Variants in RNF125 observed in about 807,000 individuals in gnomAD.
The protein encoded by RNF125 is ring finger protein 125.
Under a neutral mutation model 26.0 loss-of-function variants are expected in RNF125, and 21 were observed. That is an observed-to-expected ratio of 0.81 (90% CI 0.57 to 1.16). The LOEUF (loss-of-function observed/expected upper bound fraction) is 1.16. Ranked by LOEUF, RNF125 falls within the 50% of genes most tolerant of loss-of-function variation. The pLI, the probability that RNF125 is intolerant of heterozygous loss-of-function variation, is 0.00. For missense variants in RNF125, 270 were observed against 299.4 expected, an observed-to-expected ratio of 0.90 and a Z score of 0.72; for synonymous variants, 95 against 109.2, an observed-to-expected ratio of 0.87 and a Z score of 0.81.
chr18:32,061,901 A>G (rs2039438414), intron 4 of RNF125, among the ~76,000 whole-genome samples: 1 of 152,208 alleles, frequency 6.6e-6, no homozygotes, highest in African/African-American at 2.4e-5. Flanking sequence ...GCTCTGAGAC[A>G]CAGAACATCA....
In RNF125 at chr18:32,072,192, C is replaced by A. The variant is rs1407391288; in HGVS notation, c.*3808C>A. ...CTCCAGCCTGGGCAACAGAGCAAGA[C>A]CCTGTCTCCAAAAACATAAATAATT... On this transcript the variant is annotated 3_prime_UTR_variant, in exon 6 of 6. Coordinates refer to ENST00000217740, the MANE Select transcript of RNF125 (RefSeq NM_017831.4). 1.3e-5 allele frequency: 2 copies of A among 151,958 alleles called. No homozygotes were observed. The highest frequency in any genetic ancestry group is 4.8e-5 in the African/African-American group (2 of 41,376). 9.4% of individuals were successfully genotyped at this position (151,958 alleles called of 1,614,324 possible).
At chr18:32,035,786 A>G (rs1391604053) in intron 1 of RNF125, among the ~76,000 whole-genome samples, 1 of 152,230 alleles carries the variant, frequency 6.6e-6, no homozygotes, top group Admixed American at 6.5e-5. Context: ...GGCTGGTACA[A>G]TGTTTGAAAA....
intron 2 of RNF125, among the ~76,000 whole-genome samples, chr18:32,038,566 T>A (rs757653998): frequency 6.6e-6 from 1 of 152,218 alleles, no homozygotes; most frequent in Non-Finnish European, 1.5e-5. Context: ...TTTCCACCTG[T>A]ATTGATCTGG....
rs1015243745 is a variant in RNF125 at position 32,072,598 on chromosome 18, G to A, written c.*4214G>A. On this transcript the variant is annotated 3_prime_UTR_variant, in exon 6 of 6. Transcript: ENST00000217740. Reference sequence around the variant, plus strand: ...TATTTTGTGTTCTGAATTATTTTGAGCTCTAAAATGGTAAAGTACAAATAC... The same window carrying A: ...TATTTTGTGTTCTGAATTATTTTGAACTCTAAAATGGTAAAGTACAAATAC... 14 of 152,128 alleles carry A rather than the reference G, an allele frequency of 9.2e-5. No homozygotes were observed. Among genetic ancestry groups the A allele is most frequent in the African/African-American group, 3.1e-4 (13 of 41,428 alleles). 9.4% of individuals were successfully genotyped at this position (152,128 alleles called of 1,614,324 possible). A position where few individuals can be genotyped will look rare whatever the true frequency, so the allele number is the denominator to read the frequency against.
chr18:32,043,989 TG>T, intron 3 of RNF125, among the ~76,000 whole-genome samples: 5 of 151,352 alleles, frequency 3.3e-5, no homozygotes, highest in African/African-American at 1.2e-4. Context: ...AGAAATATAA[TG>T]GGTTTTTTTT....
At chr18:32,040,607 C>T (rs2039207601) in intron 2 of RNF125, among the ~76,000 whole-genome samples, 1 of 152,132 alleles carries the variant, frequency 6.6e-6, no homozygotes, top group South Asian at 2.1e-4. Context: ...TGTCTAACAT[C>T]CTTTTTTCTT....
chr18:32,044,574 G>A lies in RNF125; in HGVS notation c.414-1068G>A, dbSNP rs556639509. 3.3e-5 allele frequency among the ~76,000 whole-genome samples: 5 copies of A among 151,142 alleles called. 1 individual carries two copies. The highest frequency in any genetic ancestry group is 1.2e-4 in the African/African-American group (5 of 41,174). ...TATTTTTTTTGAGATAGAGTTTCAC[G>A]CCTGTTGCCCAGGCTGGAGTGCAAT... On this transcript the variant is annotated intron_variant, in intron 3 of 5. Transcript: ENST00000217740.
At chr18:32,056,818 CAAT>C (rs2039389735) in intron 4 of RNF125, among the ~76,000 whole-genome samples, 1 of 152,124 alleles carries the variant, frequency 6.6e-6, no homozygotes, top group Non-Finnish European at 1.5e-5. Flanking sequence ...TTTATGCCAA[CAAT>C]GATTTTTTTA....
In RNF125 at chr18:32,043,992, G is replaced by A. The variant is rs140542382; in HGVS notation, c.414-1650G>A. 4.5e-3 allele frequency among the ~76,000 whole-genome samples: 658 copies of A among 147,542 alleles called. 4 individuals are homozygous for A. The highest frequency in any genetic ancestry group is 0.016 in the African/African-American group (638 of 40,488). ...GTGTTGTCCAGTAGAAATATAATGG[G>A]TTTTTTTTTTTCTTTTCTTTTCTTT... On this transcript the variant is annotated intron_variant, in intron 3 of 5. Coordinates refer to ENST00000217740, the MANE Select transcript of RNF125 (RefSeq NM_017831.4).
chr18:32,047,572 A>T (rs145791857), intron 4 of RNF125, among the ~76,000 whole-genome samples: 5,819 of 152,288 alleles, frequency 0.038, 187 homozygotes, highest in Middle Eastern at 0.12. Flanking sequence ...ATCTGACCAT[A>T]ATTGGGAACA....
intron 1 of RNF125, among the ~76,000 whole-genome samples, chr18:32,025,073 AAAAC>A (rs1354344918): frequency 6.6e-6 from 1 of 152,142 alleles, no homozygotes; most frequent in Non-Finnish European, 1.5e-5. Flanking sequence ...CAAAAAAACA[AAAAC>A]AAACAAAAAA....
intron 1 of RNF125, among the ~76,000 whole-genome samples, chr18:32,023,294 A>G (rs1376360408): frequency 1.3e-5 from 2 of 152,200 alleles, no homozygotes; most frequent in East Asian, 1.9e-4. Flanking sequence ...CTGGGATTAC[A>G]GACATGCACC....
intron 4 of RNF125, among the ~76,000 whole-genome samples, chr18:32,054,489 A>G (rs1249446800): frequency 1.3e-5 from 2 of 152,226 alleles, no homozygotes; most frequent in Admixed American, 6.5e-5. Context: ...GAACAAAATC[A>G]TTCTTATTTT....
intron 1 of RNF125, among the ~76,000 whole-genome samples, chr18:32,029,640 A>G (rs1472242176): frequency 6.6e-6 from 1 of 151,922 alleles, no homozygotes; most frequent in African/African-American, 2.4e-5. Context: ...AATGATTTAC[A>G]TTCAAAGGAA....
At chr18:32,085,416 A>AGAGAGAAAGC in the RNF125 span, among the ~76,000 whole-genome samples, 5 of 125,082 alleles carry the variant, frequency 4.0e-5, no homozygotes, top group Non-Finnish European at 3.6e-5. Flanking sequence ...AGAGAGAGAG[A>AGAGAGAAAGC]AAGCTGGGTG....
chr18:32,078,359 C>T, the RNF125 span, among the ~76,000 whole-genome samples: 5 of 151,936 alleles, frequency 3.3e-5, no homozygotes, highest in Admixed American at 6.6e-5. Context: ...AGGAGTGGGA[C>T]GTAATAAAGT....
chr18:32,057,644 GT>G (rs934329823), intron 4 of RNF125, among the ~76,000 whole-genome samples: 4 of 151,660 alleles, frequency 2.6e-5, no homozygotes, highest in African/African-American at 4.8e-5. Flanking sequence ...CCAAATGACT[GT>G]TTTTTTTATA....
chr18:32,026,627 C>G (rs922101844), intron 1 of RNF125, among the ~76,000 whole-genome samples: 1 of 152,088 alleles, frequency 6.6e-6, no homozygotes, highest in African/African-American at 2.4e-5. Context: ...AGCACCCCCT[C>G]TTTAGGGGGT....
At chr18:32,090,279 C>T in the RNF125 span, among the ~76,000 whole-genome samples, 1 of 152,060 alleles carries the variant, frequency 6.6e-6, no homozygotes, top group Non-Finnish European at 1.5e-5. Context: ...GTTTTCTTCT[C>T]TGGGCTGTTA....
Sources: allele counts gnomAD v4.1 joint callset (sites outside exome capture counted in the v4.1 genomes callset), GRCh38; gene constraint gnomAD v4.1.1; transcripts MANE v1.5; gene names NCBI Gene and HGNC (gene_info 2026-07-23, HGNC 2026-07-21).